Variants in LSM5 observed in about 807,000 individuals in gnomAD.
LSM5 encodes the protein LSM5 homolog, U6 small nuclear RNA and mRNA degradation associated.
A neutral mutation model predicts 13.8 loss-of-function variants in LSM5; 8 were observed. The observed-to-expected ratio is 0.58, with a 90% confidence interval of 0.34 to 1.04. LSM5 has a LOEUF of 1.04. LSM5 is among the 50% of genes least tolerant of loss of function. LSM5 has a pLI of 0.03. For missense variants in LSM5, 80 were observed against 108.1 expected (o/e 0.74, Z 1.15); for synonymous variants, 35 against 37.0 (o/e 0.95, Z 0.20).
intron 3 of LSM5, chr7:32,488,012 C>A: frequency 2.4e-6 from 1 of 418,680 alleles, no homozygotes. Context: ...TGAAAGCTTG[C>A]CCAGGAAATC....
At chr7:32,488,546 C>A in intron 3 of LSM5, 79 bp downstream of exon 3, 1 of 940,042 alleles carries the variant, frequency 1.1e-6, no homozygotes, top group South Asian at 1.4e-5. Flanking sequence ...AATGTTTTCT[C>A]ATAAATAATT....
chr7:32,485,419 C>A lies in LSM5; in HGVS notation c.*1842G>T, dbSNP rs1583460428. ...CAAAAACCATAATGGACTAGGTCAA[C>A]ATGCAACTACATTAAAATACATCAT... is the stretch of plus-strand genomic sequence containing the variant. On this transcript the variant is annotated 3_prime_UTR_variant, in exon 5 of 5. Coordinates refer to ENST00000450169, the MANE Select transcript of LSM5 (RefSeq NM_012322.3). 2.0e-5 allele frequency: 3 copies of A among 152,162 alleles called. No homozygotes were observed. The highest frequency in any genetic ancestry group is 7.2e-5 in the African/African-American group (3 of 41,436). The allele number at this position is 152,162 out of a possible 1,614,324, so 9.4% of individuals were successfully genotyped here.
chr7:32,489,469 G>A, intron 1 of LSM5, 125 bp from the exon 2 acceptor site: 1 of 647,052 alleles, frequency 1.5e-6, no homozygotes, highest in South Asian at 1.8e-5. Context: ...ATAACTTTAG[G>A]TCTTATAATA....
chr7:32,489,930 G>T, intron 1 of LSM5: 1 of 782,382 alleles, frequency 1.3e-6, no homozygotes, highest in Non-Finnish European at 1.8e-6. Flanking sequence ...GCTCATTCCG[G>T]ACCAGGGTGT....
Position 32,489,239 on chromosome 7 carries a change from A to G in LSM5, c.142+10T>C. 4 of 1,455,406 alleles carry G rather than the reference A, an allele frequency of 2.7e-6. No individual in the cohort carries two copies. The highest frequency in any genetic ancestry group is 3.8e-6 in the Non-Finnish European group (4 of 1,041,978). The allele number at this position is 1,455,406 out of a possible 1,614,324, so 90.2% of individuals were successfully genotyped here. On this transcript the variant is annotated intron_variant, in intron 2 of 4. Transcript: ENST00000450169. The stretch of plus-strand genomic sequence containing the variant: ...AAAACCTATACCACCACCACCTTTT[A>G]AAAGGATACTGACAAAGTCATCAAA...
At chr7:32,487,382 T>TC in intron 4 of LSM5, 89 bp from the exon 5 acceptor site, 1 of 982,116 alleles carries the variant, frequency 1.0e-6, no homozygotes, top group Non-Finnish European at 1.6e-6. Context: ...CCTTTGCCTG[T>TC]CCCCTGCACT....
chr7:32,492,691 T>C (rs1052540064), upstream of LSM5, among the ~76,000 whole-genome samples: 17 of 152,222 alleles, frequency 1.1e-4, no homozygotes, highest in Non-Finnish European at 2.4e-4. Flanking sequence ...TTTTCTCTCC[T>C]GAGGCAAGAC....
chr7:32,491,222 C>T (rs1583464882), upstream of LSM5, among the ~76,000 whole-genome samples: 1 of 152,110 alleles, frequency 6.6e-6, no homozygotes, highest in African/African-American at 2.4e-5. Flanking sequence ...ATGGGTGAAA[C>T]CCCGTCTCTA....
upstream of LSM5, chr7:32,495,157 A>C (rs982071983): frequency 2.0e-5 from 3 of 152,584 alleles, no homozygotes; most frequent in African/African-American, 7.2e-5. Flanking sequence ...TTGAGGAAAA[A>C]GAGAAGGCAA....
At chr7:32,489,468 G>A (rs1469742527) in intron 1 of LSM5, 124 bp from the exon 2 acceptor site, 10 of 649,460 alleles carry the variant, frequency 1.5e-5, no homozygotes, top group Non-Finnish European at 2.8e-5. Flanking sequence ...AATAACTTTA[G>A]GTCTTATAAT....
intron 4 of LSM5, 144 bp from the exon 5 acceptor site, chr7:32,487,437 C>T (rs1333028688): frequency 2.8e-6 from 2 of 705,514 alleles, no homozygotes; most frequent in South Asian, 1.7e-5. Context: ...ATTTACAATT[C>T]CCAACGTCAT....
rs1465756297 is a variant in LSM5 at position 32,486,320 on chromosome 7, G to A, written c.*941C>T. On this transcript the variant is annotated 3_prime_UTR_variant, in exon 5 of 5. Coordinates refer to ENST00000450169, the MANE Select transcript of LSM5 (RefSeq NM_012322.3). Reference sequence around the variant, plus strand: ...CATTTAAATTCAAAAAATGACTTAAGTGGAGGGTAAAAACAGTATAATCAG... The same window carrying A: ...CATTTAAATTCAAAAAATGACTTAAATGGAGGGTAAAAACAGTATAATCAG... The A allele has an allele frequency of 6.6e-6, 1 of 152,192 alleles. No individual in the cohort carries two copies. The highest frequency in any genetic ancestry group is 1.5e-5 in the Non-Finnish European group (1 of 68,034). The allele number at this position is 152,192 out of a possible 1,614,324, so 9.4% of individuals were successfully genotyped here. A position where few individuals can be genotyped will look rare whatever the true frequency, so the allele number is the denominator to read the frequency against.
upstream of LSM5, chr7:32,490,997 C>T (rs192704395): frequency 5.8e-5 from 9 of 153,864 alleles, no homozygotes; most frequent in African/African-American, 2.2e-4. Context: ...CCAGATGTCA[C>T]TCTAAATTAT....
chr7:32,495,101 G>A (rs1786712211), upstream of LSM5: 1 of 152,384 alleles, frequency 6.6e-6, no homozygotes, highest in African/African-American at 2.4e-5. Flanking sequence ...CCGAAAAGAT[G>A]TGAAAAAGCA....
At chr7:32,491,869 A>G (rs1278008365), upstream of LSM5, among the ~76,000 whole-genome samples, 1 of 152,206 alleles carries the variant, frequency 6.6e-6, no homozygotes, top group Non-Finnish European at 1.5e-5. Flanking sequence ...TCTTATTTTT[A>G]TAACCAGACA....
upstream of LSM5, chr7:32,490,671 G>GT: frequency 2.4e-6 from 1 of 414,224 alleles, no homozygotes; most frequent in South Asian, 2.5e-5. Flanking sequence ...TTCTTCCCCC[G>GT]TAAAGTTGCA....
upstream of LSM5, among the ~76,000 whole-genome samples, chr7:32,491,186 A>C (rs1230167873): frequency 6.6e-6 from 1 of 152,196 alleles, no homozygotes; most frequent in Non-Finnish European, 1.5e-5. Flanking sequence ...ACCTGAGGTC[A>C]GGAGTTCGAG....
chr7:32,491,343 G>A (rs1178799041), upstream of LSM5, among the ~76,000 whole-genome samples: 1 of 133,942 alleles, frequency 7.5e-6, no homozygotes, highest in African/African-American at 2.8e-5. Flanking sequence ...GTTGCAGTGA[G>A]CCTAGATCAT....
intron 3 of LSM5, chr7:32,488,046 G>GA (rs1562737847): frequency 3.3e-5 from 7 of 210,062 alleles, no homozygotes; most frequent in Non-Finnish European, 5.6e-5. Context: ...AATGTTTTTT[G>GA]GGTTTTTTTT....
Sources: gnomAD v4.1 joint callset for allele counts (sites outside exome capture counted in the v4.1 genomes callset) on GRCh38, gnomAD v4.1.1 for gene constraint, MANE v1.5 for transcripts, NCBI Gene and HGNC (gene_info 2026-07-23, HGNC 2026-07-21) for gene names.